The following CES3 variants were observed in gnomAD, a reference collection of about 807,000 sequenced individuals.
The protein encoded by CES3 is carboxylesterase 3 (brain).
CES3 carries 49 observed loss-of-function variants against 57.6 expected under a neutral mutation model. That is an observed-to-expected ratio of 0.85 (90% CI 0.68 to 1.08). CES3 has a LOEUF of 1.08. CES3 is among the 50% of genes least tolerant of loss of function. The pLI is 0.00. For synonymous variants in CES3, 266 were observed against 281.6 expected, an observed-to-expected ratio of 0.94 and a Z score of 0.55; for missense variants, 645 against 742.0, an observed-to-expected ratio of 0.87 and a Z score of 1.52.
Position 66,964,672 on chromosome 16 carries a change from G to T in CES3, c.764G>T (p.Ser255Ile), listed in dbSNP as rs1243374084. ...CTGTTCCACAGAGCCATCACACAGA[G>T]TGGGGTCATCACCACCCCAGGGATC... Reference protein sequence around the residue: ...AGLFHRAITQSGVITTPGIID... With the variant: ...AGLFHRAITQIGVITTPGIID... The change falls in exon 6 of 13, where the codon AGT becomes ATT. Residue 255 changes from serine (S) to isoleucine (I), a missense_variant. Physicochemically the swap from Ser to Ile is moderately radical, Grantham distance 142 (BLOSUM62 -2). Transcript: ENST00000303334. 6.2e-7 allele frequency: 1 copy of T among 1,613,982 alleles called. No homozygotes were observed. The highest frequency in any genetic ancestry group is 1.3e-5 in the African/African-American group (1 of 74,910).
intron 9 of CES3, among the ~76,000 whole-genome samples, chr16:66,970,171 C>T (rs1484140081): frequency 3.3e-5 from 5 of 150,704 alleles, no homozygotes; most frequent in South Asian, 2.1e-4. Flanking sequence ...TGCAGTGGCC[C>T]GATCTCGGCT....
chr16:66,966,846 T>A lies in CES3; in HGVS notation c.1043T>A (p.Phe348Tyr). ...PFLMGVNNHE[F>Y]SWLIPRGWGL... ...CTCATGGGTGTCAACAACCATGAGT[T>A]CAGCTGGCTCATCCCCAGGGTGAGT... is the stretch of plus-strand genomic sequence containing the variant. The change falls in exon 8 of 13, where the codon TTC becomes TAC. Residue 348 changes from phenylalanine (F) to tyrosine (Y), a missense_variant. Transcript: ENST00000303334. 1 of 1,614,090 alleles carries A rather than the reference T, an allele frequency of 6.2e-7. No homozygotes were observed. Among genetic ancestry groups the A allele is most frequent in the South Asian group, 1.1e-5 (1 of 91,078 alleles).
At chr16:66,965,819 A>G (rs1963721766) in intron 6 of CES3, among the ~76,000 whole-genome samples, 1 of 152,218 alleles carries the variant, frequency 6.6e-6, no homozygotes, top group Non-Finnish European at 1.5e-5. Context: ...AGGTGCCTGT[A>G]GTCCCAGCTA....
At chr16:66,969,268 C>A (rs570511385) in intron 8 of CES3, among the ~76,000 whole-genome samples, 3 of 151,896 alleles carry the variant, frequency 2.0e-5, no homozygotes, top group African/African-American at 7.3e-5. Flanking sequence ...TAGCCAGGCA[C>A]GGTGGTGCAC....
chr16:66,963,590 C>T lies in CES3; in HGVS notation c.387C>T (p.Val129=). The T allele has an allele frequency of 1.2e-6, 2 of 1,614,234 alleles. No individual in the cohort carries two copies. The highest frequency in any genetic ancestry group is 1.7e-6 in the Non-Finnish European group (2 of 1,180,044). ...SVSEDCLVLN[V]YSPAEVPAGS... The stretch of plus-strand genomic sequence containing the variant: ...CAGAGGACTGCCTGGTCCTCAACGT[C>T]TATAGCCCAGCTGAGGTCCCCGCAG... The change falls in exon 3 of 13, where the codon GTC becomes GTT. Residue 129 remains valine (V), a synonymous_variant. Coordinates refer to ENST00000303334, the MANE Select transcript of CES3 (RefSeq NM_024922.6). This position sits in a 1 kb window ranked among gnomAD's most constrained non-coding sequence, Gnocchi z 4.9.
intron 1 of CES3, among the ~76,000 whole-genome samples, chr16:66,962,429 A>G (rs1341838716): frequency 1.3e-5 from 2 of 152,242 alleles, no homozygotes; most frequent in Non-Finnish European, 2.9e-5. Flanking sequence ...AAAGAAAAGA[A>G]GTTTAGTTAG....
chr16:66,962,547 C>T (rs1963665314), intron 1 of CES3, among the ~76,000 whole-genome samples: 1 of 151,842 alleles, frequency 6.6e-6, no homozygotes, highest in African/African-American at 2.4e-5. Flanking sequence ...TTGCTTGAGC[C>T]CAGGGGTTTG....
chr16:66,964,650 T>C lies in CES3; in HGVS notation c.742T>C (p.Phe248Leu). Residue 248 changes from phenylalanine to leucine, a missense_variant, in exon 6 of 13, where the codon TTC becomes CTC. Phe to Leu is a conservative substitution (Grantham distance 22). Coordinates refer to ENST00000303334, the MANE Select transcript of CES3 (RefSeq NM_024922.6). The stretch of plus-strand genomic sequence containing the variant: ...CCTGTCCCCAGTGGCTGCAGGGCTG[T>C]TCCACAGAGCCATCACACAGAGTGG... ...LVLSPVAAGL[F>L]HRAITQSGVI... 1.2e-6 allele frequency: 2 copies of C among 1,614,052 alleles called. No homozygotes were observed. The highest frequency in any genetic ancestry group is 2.2e-5 in the South Asian group (2 of 91,084).
chr16:66,972,938 C>T lies in CES3; in HGVS notation c.1605C>T (p.Ala535=), dbSNP rs774568509. ...TGGAGATCAACCCAGTGCCACGGGCCGGACAGAAGTTCAGGGAGGCCTGGA... is the reference window on the plus strand; with the variant it reads ...TGGAGATCAACCCAGTGCCACGGGCTGGACAGAAGTTCAGGGAGGCCTGGA... The part of the protein sequence containing the change: ...QYLEINPVPR[A]GQKFREAWMQ... Residue 535 remains alanine, a synonymous_variant, in exon 13 of 13, where the codon GCC becomes GCT. Coordinates refer to ENST00000303334, the MANE Select transcript of CES3 (RefSeq NM_024922.6). 25 of 1,614,042 alleles carry T rather than the reference C, an allele frequency of 1.5e-5. No individual in the cohort carries two copies. Among genetic ancestry groups the T allele is most frequent in the Admixed American group, 6.7e-5 (4 of 60,004 alleles).
rs377422788 is a variant in CES3, at chr16:66,963,611, C to T, written c.408C>T (p.Pro136=). The change falls in exon 3 of 13, where the codon CCC becomes CCT. Residue 136 remains proline (P), a synonymous_variant. Transcript: ENST00000303334. This position sits in a 1 kb window ranked among gnomAD's most constrained non-coding sequence, Gnocchi z 4.9. ...VLNVYSPAEV[P]AGSGRPVMVW... ...ACGTCTATAGCCCAGCTGAGGTCCC[C>T]GCAGGGTCCGGTAGGCCGGTAGGCA... The T allele has an allele frequency of 5.6e-5, 91 of 1,614,050 alleles. No homozygotes were observed. The highest frequency in any genetic ancestry group is 3.4e-4 in the South Asian group (31 of 91,096).
At position 66,966,877 on chromosome 16, in the gene CES3, C is replaced by T; in HGVS notation, c.1062+12C>T. 6.2e-7 allele frequency: 1 copy of T among 1,613,744 alleles called. No homozygotes were observed. Among genetic ancestry groups the T allele is most frequent in the Non-Finnish European group, 8.5e-7 (1 of 1,179,964 alleles). On this transcript the variant is annotated intron_variant, in intron 8 of 12. Transcript: ENST00000303334. ...GGCTCATCCCCAGGGTGAGTTGCTC[C>T]CACCCCTGTGCCCTTCAAGGCCCTG...
intron 11 of CES3, 55 bp downstream of exon 11, chr16:66,972,560 T>C (rs928499483): frequency 4.4e-6 from 7 of 1,606,144 alleles, no homozygotes; most frequent in Middle Eastern, 1.7e-4. Flanking sequence ...CCAAGGGGCC[T>C]GGGCAGGGCT....
chr16:66,970,109 G>GTTTTT (rs369272818), intron 9 of CES3, among the ~76,000 whole-genome samples: 1 of 127,982 alleles, frequency 7.8e-6, no homozygotes, highest in Non-Finnish European at 1.6e-5. Context: ...TCTTTTCTTT[G>GTTTTT]TTTTTTTTTT....
chr16:66,971,450 C>A, intron 10 of CES3, 131 bp downstream of exon 10: 1 of 837,376 alleles, frequency 1.2e-6, no homozygotes, highest in Non-Finnish European at 1.9e-6. Context: ...CTGCCCCCCA[C>A]CAAACCTATC....
chr16:66,963,553 T>C lies in CES3; in HGVS notation c.350T>C (p.Ile117Thr). 1 of 1,614,124 alleles carries C rather than the reference T, an allele frequency of 6.2e-7. No individual in the cohort carries two copies. The highest frequency in any genetic ancestry group is 8.5e-7 in the Non-Finnish European group (1 of 1,179,990). The change falls in exon 3 of 13, where the codon ATC (isoleucine) becomes ACC (threonine). Residue 117 changes from isoleucine to threonine, a missense_variant. Coordinates refer to ENST00000303334, the MANE Select transcript of CES3 (RefSeq NM_024922.6). This position sits in a 1 kb window ranked among gnomAD's most constrained non-coding sequence, Gnocchi z 4.9. The part of the protein sequence containing the change: ...SRFVLNGKQQ[I>T]FSVSEDCLVL... ...TTTGTCCTCAACGGAAAACAGCAGA[T>C]CTTCTCCGTTTCAGAGGACTGCCTG...
intron 8 of CES3, among the ~76,000 whole-genome samples, chr16:66,969,338 G>A (rs539066850): frequency 7.9e-5 from 12 of 152,124 alleles, no homozygotes; most frequent in Non-Finnish European, 1.6e-4. Flanking sequence ...CCCAGGAGGC[G>A]GAGGTTGCGG....
intron 5 of CES3, 29 bp from the exon 6 acceptor site, chr16:66,964,594 C>A: frequency 6.2e-7 from 1 of 1,612,506 alleles, no homozygotes; most frequent in East Asian, 2.2e-5. Flanking sequence ...CCTCCTCTGA[C>A]AGCCACCTCC....
intron 4 of CES3, 148 bp downstream of exon 4, chr16:66,964,083 C>T: frequency 7.8e-7 from 1 of 1,280,190 alleles, no homozygotes; most frequent in Non-Finnish European, 1.1e-6. Flanking sequence ...CCCCCCAAGC[C>T]TCCACCCTGG....
Position 66,972,743 on chromosome 16 carries a change from C to T in CES3, c.1517C>T (p.Thr506Ile), listed in dbSNP as rs759235718. ...GCCCAGTGGACCCACTTTGCCCGGA[C>T]AGGGTGAGTGAGTGACAGGGCATAG... is the stretch of plus-strand genomic sequence containing the variant. ...MMAQWTHFARTGDPNSKALPP... is the reference protein window; with the variant it reads ...MMAQWTHFARIGDPNSKALPP... Residue 506 changes from threonine to isoleucine, a missense_variant, in exon 12 of 13, where the codon ACA (threonine) becomes ATA (isoleucine). By Grantham distance (89) the Thr-to-Ile change is moderately conservative (BLOSUM62 -1). Coordinates refer to ENST00000303334, the MANE Select transcript of CES3 (RefSeq NM_024922.6). 11 of 1,614,190 alleles carry T rather than the reference C, an allele frequency of 6.8e-6. No homozygotes were observed. Among genetic ancestry groups the T allele is most frequent in the Non-Finnish European group, 9.3e-6 (11 of 1,180,022 alleles).
Sources: allele counts gnomAD v4.1 joint callset (sites outside exome capture counted in the v4.1 genomes callset), GRCh38; gene constraint gnomAD v4.1.1; non-coding constraint Gnocchi (gnomAD v3.1); transcripts MANE v1.5; gene names NCBI Gene and HGNC (gene_info 2026-07-23, HGNC 2026-07-21).